RNF38: variants seen among roughly 807,000 people sequenced by gnomAD.
The protein encoded by RNF38 is E3 ubiquitin-protein ligase RNF38.
A neutral mutation model predicts 67.2 loss-of-function variants in RNF38; 15 were observed. That is an observed-to-expected ratio of 0.22 (90% CI 0.15 to 0.34). The LOEUF is 0.34. Ranked by LOEUF, RNF38 falls within the 10% of genes least tolerant of loss-of-function variation. RNF38 has a pLI of 1.00. For missense variants in RNF38, 524 were observed against 639.9 expected, an observed-to-expected ratio of 0.82 and a Z score of 1.95; for synonymous variants, 220 against 218.8, an observed-to-expected ratio of 1.01 and a Z score of -0.05.
At chr9:36,440,929 C>T (rs1444231152) in intron 1 of RNF38, among the ~76,000 whole-genome samples, 2 of 152,094 alleles carry the variant, frequency 1.3e-5, no homozygotes, top group Non-Finnish European at 2.9e-5. Flanking sequence ...CACTTTTATT[C>T]CCCCCAAATG....
chr9:36,402,152 C>CA (rs1392339258), upstream of RNF38, among the ~76,000 whole-genome samples: 1 of 152,150 alleles, frequency 6.6e-6, no homozygotes, highest in African/African-American at 2.4e-5. Context: ...ACTGCTGAAT[C>CA]AAAGTTCCAG....
intron 1 of RNF38, among the ~76,000 whole-genome samples, chr9:36,425,268 G>C (rs1838738802): frequency 6.6e-6 from 1 of 151,896 alleles, no homozygotes; most frequent in African/African-American, 2.4e-5. Context: ...CAAGTGATTG[G>C]AACAACAGAT....
At chr9:36,402,992 G>T (rs1838092277), upstream of RNF38, among the ~76,000 whole-genome samples, 1 of 152,030 alleles carries the variant, frequency 6.6e-6, no homozygotes, top group South Asian at 2.1e-4. Flanking sequence ...GTAGAGGCAG[G>T]TCTCACTATG....
chr9:36,444,149 G>T (rs911123511), intron 1 of RNF38, among the ~76,000 whole-genome samples: 1 of 152,174 alleles, frequency 6.6e-6, no homozygotes, highest in Non-Finnish European at 1.5e-5. Flanking sequence ...AACAAGATTT[G>T]ACAGTCAGCT....
At chr9:36,412,736 G>A (rs1838358241) in intron 2 of RNF38, among the ~76,000 whole-genome samples, 2 of 152,184 alleles carry the variant, frequency 1.3e-5, no homozygotes, top group Admixed American at 6.5e-5. Context: ...AGGAATTCAA[G>A]ACCAGCCTGA....
chr9:36,362,909 A>G (rs10972870), intron 4 of RNF38, among the ~76,000 whole-genome samples: 21,799 of 71,376 alleles, frequency 0.31, 5,421 homozygotes, highest in Non-Finnish European at 0.45. Context: ...TGGGATTACA[A>G]GCGTGAGGCA....
intron 1 of RNF38, among the ~76,000 whole-genome samples, chr9:36,444,236 G>A (rs1046795299): frequency 3.3e-5 from 5 of 151,960 alleles, no homozygotes; most frequent in South Asian, 2.1e-4. Context: ...AAAAAAGGAC[G>A]GTGAAAGATC....
At chr9:36,454,381 G>A (rs1256818440) in intron 1 of RNF38, among the ~76,000 whole-genome samples, 1 of 151,744 alleles carries the variant, frequency 6.6e-6, no homozygotes, top group Non-Finnish European at 1.5e-5. Context: ...CGCCCACCTC[G>A]GCCTCCCAAA....
intron 2 of RNF38, among the ~76,000 whole-genome samples, chr9:36,378,273 T>G (rs995595898): frequency 6.0e-5 from 9 of 149,994 alleles, no homozygotes; most frequent in African/African-American, 2.0e-4. Context: ...GCCTCCTGGG[T>G]TCAAGTGGTT....
chr9:36,486,247 G>A (rs974072995), intron 1 of RNF38, among the ~76,000 whole-genome samples: 1 of 152,006 alleles, frequency 6.6e-6, no homozygotes, highest in African/African-American at 2.4e-5. Flanking sequence ...CCTTCCAAGG[G>A]ACATCCGCAG....
At chr9:36,464,418 A>C (rs1029836595) in intron 1 of RNF38, among the ~76,000 whole-genome samples, 4 of 151,912 alleles carry the variant, frequency 2.6e-5, no homozygotes, top group East Asian at 1.9e-4. Context: ...AATACAAAAA[A>C]AAATTAGCCA....
At chr9:36,441,144 C>T (rs1839182930) in intron 1 of RNF38, among the ~76,000 whole-genome samples, 1 of 152,078 alleles carries the variant, frequency 6.6e-6, no homozygotes, top group Non-Finnish European at 1.5e-5. Context: ...AAAGAACATA[C>T]CTTTTTCTAT....
chr9:36,427,310 C>T (rs1002733226), intron 1 of RNF38, among the ~76,000 whole-genome samples: 2 of 152,176 alleles, frequency 1.3e-5, no homozygotes, highest in Admixed American at 6.5e-5. Context: ...TTCTCCCTCC[C>T]TTTCCTAGTC....
At chr9:36,444,329 C>T (rs114233536) in intron 1 of RNF38, among the ~76,000 whole-genome samples, 1,966 of 152,142 alleles carry the variant, frequency 0.013, 47 homozygotes, top group African/African-American at 0.045. Flanking sequence ...GAAGGGAGAG[C>T]ATCAGGAAGA....
intron 1 of RNF38, among the ~76,000 whole-genome samples, chr9:36,437,143 T>C (rs1259429512): frequency 6.6e-6 from 1 of 152,232 alleles, no homozygotes; most frequent in Non-Finnish European, 1.5e-5. Context: ...CGCTTGCTCC[T>C]GGCACTGCAG....
intron 9 of RNF38, among the ~76,000 whole-genome samples, chr9:36,345,311 A>T (rs377297609): frequency 2.1e-4 from 32 of 152,360 alleles, no homozygotes; most frequent in African/African-American, 7.0e-4. Flanking sequence ...TACCTATTAC[A>T]ATCTATCCTA....
At chr9:36,390,168 C>T (rs544194004) in intron 2 of RNF38, among the ~76,000 whole-genome samples, 2 of 152,164 alleles carry the variant, frequency 1.3e-5, no homozygotes, top group African/African-American at 4.8e-5. Context: ...ATATTCTACA[C>T]TATCTTCTAC....
At chr9:36,372,798 T>C (rs916886954) in intron 3 of RNF38, among the ~76,000 whole-genome samples, 3 of 152,222 alleles carry the variant, frequency 2.0e-5, no homozygotes, top group Non-Finnish European at 4.4e-5. Flanking sequence ...ACTCCCTTCC[T>C]GGTCCAAGGC....
intron 2 of RNF38, among the ~76,000 whole-genome samples, chr9:36,415,287 C>G (rs1362407724): frequency 6.6e-6 from 1 of 152,078 alleles, no homozygotes; most frequent in African/African-American, 2.4e-5. Context: ...ATCTTTGAGC[C>G]CTCAACTTCT....
Sources: gnomAD v4.1 joint callset for allele counts (sites outside exome capture counted in the v4.1 genomes callset) on GRCh38, gnomAD v4.1.1 for gene constraint, MANE v1.5 for transcripts, NCBI Gene and HGNC (gene_info 2026-07-23, HGNC 2026-07-21) for gene names.